PDE8B: variants seen among roughly 807,000 people sequenced by gnomAD.
PDE8B encodes the protein phosphodiesterase 8B.
In PDE8B, 26 loss-of-function variants were observed where a neutral mutation model predicts 101.3. The observed-to-expected ratio is 0.26, with a 90% CI of 0.19 to 0.36. The LOEUF is 0.36. PDE8B is among the 10% of genes least tolerant of loss of function. The pLI is 1.00. For missense variants in PDE8B, 810 were observed against 1,163.1 expected (o/e 0.70, Z 4.42); for synonymous variants, 424 against 429.3 (o/e 0.99, Z 0.15).
At chr5:77,101,085 T>G in the PDE8B span, among the ~76,000 whole-genome samples, 1 of 146,238 alleles carries the variant, frequency 6.8e-6, no homozygotes, top group Non-Finnish European at 1.5e-5. Context: ...TCTTCCTGCC[T>G]CAGCCTCCCT....
At chr5:77,307,319 A>C (rs62364279) in intron 1 of PDE8B, among the ~76,000 whole-genome samples, 3,633 of 151,910 alleles carry the variant, frequency 0.024, 95 homozygotes, top group Middle Eastern at 0.048. Context: ...GCCTTCCTTG[A>C]TCTCCCCACC....
chr5:77,091,786 G>A, the PDE8B span, among the ~76,000 whole-genome samples: 1 of 152,146 alleles, frequency 6.6e-6, no homozygotes, highest in East Asian at 1.9e-4. Context: ...TTAAGAAGAA[G>A]CTTTATTGCT....
chr5:77,239,560 A>G (rs900397853), intron 1 of PDE8B, among the ~76,000 whole-genome samples: 1 of 152,214 alleles, frequency 6.6e-6, no homozygotes, highest in Non-Finnish European at 1.5e-5. Flanking sequence ...AATTCTTTGT[A>G]CAATAAACAA....
intron 1 of PDE8B, among the ~76,000 whole-genome samples, chr5:77,212,034 TG>T (rs1748543479): frequency 6.6e-6 from 1 of 152,164 alleles, no homozygotes; most frequent in African/African-American, 2.4e-5. Context: ...TGGAAAAAAT[TG>T]TTTAGATGGT....
chr5:77,379,330 T>C (rs540282154), intron 10 of PDE8B, among the ~76,000 whole-genome samples: 44 of 152,326 alleles, frequency 2.9e-4, no homozygotes, highest in African/African-American at 1.0e-3. Flanking sequence ...CAGCTTGGGA[T>C]TTTTCTTTTT....
At chr5:77,250,459 C>T (rs72766919) in intron 1 of PDE8B, among the ~76,000 whole-genome samples, 8,983 of 152,170 alleles carry the variant, frequency 0.059, 457 homozygotes, top group African/African-American at 0.14. Flanking sequence ...GGACACTTTT[C>T]GTAAGTGCCA....
chr5:77,249,245 T>C (rs1757575093), intron 1 of PDE8B, among the ~76,000 whole-genome samples: 1 of 152,214 alleles, frequency 6.6e-6, no homozygotes, highest in African/African-American at 2.4e-5. Flanking sequence ...ATTTTTACAA[T>C]ACGAAAAGCA....
chr5:77,372,629 T>C (rs1214727146), intron 10 of PDE8B, among the ~76,000 whole-genome samples: 2 of 152,242 alleles, frequency 1.3e-5, no homozygotes, highest in African/African-American at 4.8e-5. Flanking sequence ...TCTTTTCTGT[T>C]TTTATGTCCA....
At chr5:77,297,693 C>T in intron 1 of PDE8B, among the ~76,000 whole-genome samples, 1 of 152,102 alleles carries the variant, frequency 6.6e-6, no homozygotes, top group African/African-American at 2.4e-5. Context: ...CTCACCACAG[C>T]AGCCTTCTGT....
At chr5:77,320,765 T>A (rs1027489869) in intron 2 of PDE8B, among the ~76,000 whole-genome samples, 4 of 152,216 alleles carry the variant, frequency 2.6e-5, no homozygotes, top group African/African-American at 9.6e-5. Flanking sequence ...ACACCATTAG[T>A]AATGATTTTT....
At chr5:77,374,504 T>C (rs1207389834) in intron 10 of PDE8B, among the ~76,000 whole-genome samples, 1 of 152,166 alleles carries the variant, frequency 6.6e-6, no homozygotes. Context: ...ATTGGTTTTT[T>C]AGTTAAATCT....
chr5:77,396,703 T>C (rs1791136218), intron 10 of PDE8B, among the ~76,000 whole-genome samples: 1 of 152,146 alleles, frequency 6.6e-6, no homozygotes, highest in Non-Finnish European at 1.5e-5. Context: ...GCCTCTAAAC[T>C]ATGTGGTTAC....
chr5:77,363,397 G>A (rs1259581582), intron 10 of PDE8B, among the ~76,000 whole-genome samples: 5 of 152,158 alleles, frequency 3.3e-5, no homozygotes, highest in South Asian at 2.1e-4. Flanking sequence ...GTTGACTGAC[G>A]TGGGTTTGAG....
At chr5:77,291,693 G>C (rs1767383164) in intron 1 of PDE8B, 1 of 1,594,774 alleles carries the variant, frequency 6.3e-7, no homozygotes, top group African/African-American at 1.3e-5. Flanking sequence ...GCACACTGGT[G>C]GTGGCAGGGA....
the PDE8B span, chr5:77,112,171 A>G: frequency 1.1e-4 from 17 of 152,202 alleles, no homozygotes; most frequent in African/African-American, 3.6e-4. Context: ...TCCAGTGCTT[A>G]GTGGCTAGTG....
chr5:77,127,906 G>A, the PDE8B span, among the ~76,000 whole-genome samples: 1 of 152,140 alleles, frequency 6.6e-6, no homozygotes, highest in African/African-American at 2.4e-5. Flanking sequence ...ATCTGTGAAG[G>A]CTTGGCGTTC....
At chr5:77,242,254 G>A (rs1755917511) in intron 1 of PDE8B, among the ~76,000 whole-genome samples, 2 of 152,184 alleles carry the variant, frequency 1.3e-5, no homozygotes, top group Non-Finnish European at 2.9e-5. Flanking sequence ...TGTATCCAGT[G>A]CTCTCCAAGA....
chr5:77,376,194 C>T (rs1362545871), intron 10 of PDE8B, among the ~76,000 whole-genome samples: 1 of 152,150 alleles, frequency 6.6e-6, no homozygotes, highest in Non-Finnish European at 1.5e-5. Flanking sequence ...GATGGGCTAC[C>T]TAGGACTAGG....
intron 1 of PDE8B, among the ~76,000 whole-genome samples, chr5:77,224,053 T>C (rs141700952): frequency 2.6e-5 from 4 of 152,346 alleles, no homozygotes; most frequent in Non-Finnish European, 5.9e-5. Flanking sequence ...ATATATAAAA[T>C]GGTTCTTGCT....
Sources: gnomAD v4.1 joint callset for allele counts (sites outside exome capture counted in the v4.1 genomes callset) on GRCh38, gnomAD v4.1.1 for gene constraint, MANE v1.5 for transcripts, NCBI Gene and HGNC (gene_info 2026-07-23, HGNC 2026-07-21) for gene names.